DAB1: variants seen among roughly 807,000 people sequenced by gnomAD.
DAB1 encodes disabled homolog 1.
A neutral mutation model predicts 64.6 loss-of-function variants in DAB1; 15 were observed. That is an observed-to-expected ratio of 0.23 (90% CI 0.16 to 0.36). The LOEUF (loss-of-function observed/expected upper bound fraction) is 0.36. Among genes scored for constraint, DAB1 ranks in the 10% least tolerant of loss-of-function variants. The pLI is 1.00. For synonymous variants in DAB1, 235 were observed against 251.9 expected (o/e 0.93, Z 0.64); for missense variants, 596 against 706.7 (o/e 0.84, Z 1.78).
In DAB1 at chr1:58,176,213, T is replaced by G. The variant is rs147090432; in HGVS notation, n.310-25625A>C. Among the ~76,000 whole-genome samples the G allele has an allele frequency of 3.2e-3, 480 of 152,198 alleles. 2 individuals are homozygous for G. Among genetic ancestry groups the G allele is most frequent in the African/African-American group, 0.011 (456 of 41,518 alleles). On this transcript the variant is annotated intron_variant and non_coding_transcript_variant, in intron 4 of 20. Transcript: ENST00000485760. The stretch of plus-strand genomic sequence containing the variant: ...CTTAGAAAGCTCTTCTTTACATAGG[T>G]GAAGAAAACCTAGCTCACTTAGACT...
At chr1:57,320,158 G>A (rs1425902484) in intron 1 of DAB1, among the ~76,000 whole-genome samples, 1 of 152,180 alleles carries the variant, frequency 6.6e-6, no homozygotes, top group Non-Finnish European at 1.5e-5. Flanking sequence ...AGGACCTAGT[G>A]GGAGAGGACT....
At chr1:57,485,460 T>C (rs2101255708) in intron 7 of DAB1, among the ~76,000 whole-genome samples, 1 of 152,312 alleles carries the variant, frequency 6.6e-6, no homozygotes, top group Non-Finnish European at 1.5e-5. Flanking sequence ...ATGCTTAGTA[T>C]AGTGCTTGGC....
At chr1:57,682,311 A>C (rs2101699541) in intron 6 of DAB1, among the ~76,000 whole-genome samples, 1 of 151,380 alleles carries the variant, frequency 6.6e-6, no homozygotes, top group East Asian at 1.9e-4. Flanking sequence ...AGTACAAGAA[A>C]AATCTCTAGT....
At position 58,064,834 on chromosome 1, in the gene DAB1, G is replaced by C. The variant is rs1248153456; in HGVS notation, n.387+85677C>G. On this transcript the variant is annotated intron_variant and non_coding_transcript_variant, in intron 5 of 20. Transcript: ENST00000485760. ...CCTCCCGGGTTCACGCCATTCTTCTGCCTCAGACTCTCCGAGTAGCAGGGA... is the reference window on the plus strand; with the variant it reads ...CCTCCCGGGTTCACGCCATTCTTCTCCCTCAGACTCTCCGAGTAGCAGGGA... Among the ~76,000 whole-genome samples the C allele has an allele frequency of 2.6e-5, 4 of 152,150 alleles. No individual in the cohort carries two copies. In the East Asian group the frequency reaches 7.7e-4, roughly 29 times the overall value.
intron 7 of DAB1, among the ~76,000 whole-genome samples, chr1:57,588,680 A>T (rs1645408079): frequency 6.6e-6 from 1 of 152,254 alleles, no homozygotes; most frequent in South Asian, 2.1e-4. Context: ...GAAGCAATAC[A>T]TATTGTACTG....
intron 3 of DAB1, among the ~76,000 whole-genome samples, chr1:58,499,314 C>CAAAAA (rs58217798): frequency 2.4e-4 from 17 of 69,648 alleles, no homozygotes; most frequent in South Asian, 5.8e-4. Context: ...CACATCTCTA[C>CAAAAA]AAAAAAAAAA....
chr1:57,478,441 T>G (rs1459140820), intron 7 of DAB1, among the ~76,000 whole-genome samples: 1 of 152,046 alleles, frequency 6.6e-6, no homozygotes, highest in African/African-American at 2.4e-5. Context: ...GGATGTGGAT[T>G]TTTTTTAGCA....
chr1:58,488,620 T>G (rs910675023), intron 3 of DAB1, among the ~76,000 whole-genome samples: 5 of 151,708 alleles, frequency 3.3e-5, no homozygotes, highest in Non-Finnish European at 7.3e-5. Context: ...TCTCGCTAAT[T>G]TTTGTATTTT....
intron 2 of DAB1, among the ~76,000 whole-genome samples, chr1:57,170,870 T>G (rs1323410162): frequency 1.3e-5 from 2 of 152,162 alleles, no homozygotes; most frequent in Non-Finnish European, 2.9e-5. Flanking sequence ...GTGAGGCTTT[T>G]GATACTTCAA....
chr1:57,428,906 T>C (rs1685393803), upstream of DAB1, among the ~76,000 whole-genome samples: 1 of 147,806 alleles, frequency 6.8e-6, no homozygotes, highest in Non-Finnish European at 1.5e-5. Flanking sequence ...TTTTTGTTGT[T>C]GTTGTTGTTT....
At chr1:57,212,492 G>A (rs569847941) in intron 2 of DAB1, among the ~76,000 whole-genome samples, 5 of 148,158 alleles carry the variant, frequency 3.4e-5, no homozygotes, top group South Asian at 4.4e-4. Flanking sequence ...CTCAGCCTCC[G>A]GAGTAGCTGG....
In DAB1 at chr1:57,843,422, A is replaced by C. The variant is rs374724255; in HGVS notation, n.88-16967T>G. 3.3e-5 allele frequency among the ~76,000 whole-genome samples: 5 copies of C among 152,234 alleles called. No homozygotes were observed. The South Asian group carries it at 1.0e-3, about 32-fold the overall frequency. On this transcript the variant is annotated intron_variant and non_coding_transcript_variant, in intron 1 of 1. Transcript: ENST00000477280. ...TCACTTCTCTGAGCTTCAGTTTCCT[A>C]TCTGCAAAATGGGACTAATGATACC...
At chr1:58,168,604 G>T (rs541314113) in intron 4 of DAB1, among the ~76,000 whole-genome samples, 40 of 151,986 alleles carry the variant, frequency 2.6e-4, no homozygotes, top group African/African-American at 9.4e-4. Flanking sequence ...CATAATTTTT[G>T]CCCAAAGCCC....
At chr1:57,214,926 A>AAAAAAAAAG (rs1557954175) in intron 2 of DAB1, among the ~76,000 whole-genome samples, 9 of 150,554 alleles carry the variant, frequency 6.0e-5, no homozygotes, top group Non-Finnish European at 1.3e-4. Context: ...AAAAAAAAAA[A>AAAAAAAAAG]AAAAGAAAGA....
At chr1:58,297,010 C>T (rs1446957623) in intron 4 of DAB1, among the ~76,000 whole-genome samples, 1 of 152,174 alleles carries the variant, frequency 6.6e-6, no homozygotes, top group Non-Finnish European at 1.5e-5. Context: ...GTGCAGCCTA[C>T]AATTCCAAAG....
intron 5 of DAB1, among the ~76,000 whole-genome samples, chr1:58,082,079 G>T (rs1160480681): frequency 6.6e-6 from 1 of 152,192 alleles, no homozygotes; most frequent in East Asian, 1.9e-4. Flanking sequence ...CCCAGAGAAG[G>T]ACCATGACTT....
chr1:57,902,384 T>C (rs1644489257), intron 5 of DAB1, among the ~76,000 whole-genome samples: 1 of 152,128 alleles, frequency 6.6e-6, no homozygotes, highest in Admixed American at 6.6e-5. Flanking sequence ...GCCTGTATCT[T>C]CTAAGAATAA....
At chr1:57,176,525 G>A (rs986359413) in intron 2 of DAB1, among the ~76,000 whole-genome samples, 2 of 152,104 alleles carry the variant, frequency 1.3e-5, no homozygotes, top group African/African-American at 4.8e-5. Flanking sequence ...AATTCAAGAT[G>A]AGATTTGGGT....
intron 4 of DAB1, among the ~76,000 whole-genome samples, chr1:58,313,524 A>C (rs533221299): frequency 2.4e-4 from 37 of 152,204 alleles, no homozygotes; most frequent in Non-Finnish European, 4.9e-4. Flanking sequence ...GAATTCATCC[A>C]GAAGCCAGAG....
Sources: gnomAD v4.1 joint callset for allele counts (sites outside exome capture counted in the v4.1 genomes callset) on GRCh38, gnomAD v4.1.1 for gene constraint, MANE v1.5 for transcripts, NCBI Gene and HGNC (gene_info 2026-07-23, HGNC 2026-07-21) for gene names.